TXNDC12: variants seen among roughly 807,000 people sequenced by gnomAD.
The protein encoded by TXNDC12 is thioredoxin domain-containing protein 12.
In TXNDC12, 22 loss-of-function variants were observed where a neutral mutation model predicts 24.2. That is an observed-to-expected ratio of 0.91 (90% CI 0.65 to 1.30). The LOEUF (loss-of-function observed/expected upper bound fraction) is 1.30, where lower values mean the gene tolerates loss of function less well. Ranked by LOEUF, TXNDC12 falls within the 50% of genes most tolerant of loss-of-function variation. TXNDC12 has a pLI of 0.00. For synonymous variants in TXNDC12, 58 were observed against 73.4 expected, an observed-to-expected ratio of 0.79 and a Z score of 1.07; for missense variants, 184 against 205.8, an observed-to-expected ratio of 0.89 and a Z score of 0.65.
At chr1:52,029,031 AAT>A (rs1557991418) in intron 2 of TXNDC12, among the ~76,000 whole-genome samples, 1 of 152,082 alleles carries the variant, frequency 6.6e-6, no homozygotes, top group African/African-American at 2.4e-5. Flanking sequence ...GGGTGGCTGA[AAT>A]ATGAGAATTG....
chr1:52,033,752 C>A, intron 2 of TXNDC12: 1 of 1,597,610 alleles, frequency 6.3e-7, no homozygotes, highest in Non-Finnish European at 8.5e-7. Context: ...CAAAACACCA[C>A]GAGCGGCATC....
At position 52,028,614 on chromosome 1, in the gene TXNDC12, C is replaced by A. The variant is rs766809332; in HGVS notation, c.175G>T (p.Val59Leu). 7 of 1,612,250 alleles carry A rather than the reference C, an allele frequency of 4.3e-6. No individual in the cohort carries two copies. The South Asian group carries it at 7.7e-5, about 18-fold the overall frequency. Residue 59 changes from valine to leucine, a missense_variant, in exon 3 of 7, where the codon GTG becomes TTG. Val to Leu is a conservative substitution (Grantham distance 32). Coordinates refer to ENST00000371626, the MANE Select transcript of TXNDC12 (RefSeq NM_015913.4). Reference sequence around the variant, plus strand: ...CCACACCAGGATTTATGAATAATCACCATCAGGGGCAGTCCACTTAAAAGC... The same window carrying A: ...CCACACCAGGATTTATGAATAATCAACATCAGGGGCAGTCCACTTAAAAGC... ...EAAASGLPLM[V>L]IIHKSWCGAC...
chr1:52,034,063 T>G, intron 2 of TXNDC12: 1 of 1,317,852 alleles, frequency 7.6e-7, no homozygotes, highest in Middle Eastern at 2.9e-4. Flanking sequence ...TAAGGGGCAT[T>G]AAATATTGTA....
intron 4 of TXNDC12, among the ~76,000 whole-genome samples, chr1:52,025,821 A>C (rs1247329626): frequency 6.6e-6 from 1 of 150,766 alleles, no homozygotes; most frequent in Non-Finnish European, 1.5e-5. Context: ...AGTAAACATT[A>C]TCTTTTTTTT....
chr1:52,041,869 C>T (rs749312181), intron 1 of TXNDC12, among the ~76,000 whole-genome samples: 2 of 152,158 alleles, frequency 1.3e-5, no homozygotes, highest in African/African-American at 2.4e-5. Flanking sequence ...TAAACTATCA[C>T]GGAATATGCT....
chr1:52,029,791 T>C (rs1685724502), intron 2 of TXNDC12, among the ~76,000 whole-genome samples: 1 of 152,210 alleles, frequency 6.6e-6, no homozygotes, highest in African/African-American at 2.4e-5. Flanking sequence ...AAATGAATCA[T>C]TCAGTCACCT....
chr1:52,023,468 C>G (rs766559345), intron 6 of TXNDC12, 23 bp downstream of exon 6: 14 of 1,590,124 alleles, frequency 8.8e-6, no homozygotes, highest in Non-Finnish European at 1.1e-5. Context: ...CAATAATCCT[C>G]CCTCCCTTCA....
intron 1 of TXNDC12, 57 bp downstream of exon 1, chr1:52,054,943 T>C: frequency 7.5e-7 from 1 of 1,340,742 alleles, no homozygotes. Context: ...AAGAAGAGAT[T>C]ATACTGGGAT....
At chr1:52,032,450 C>T (rs1388359849) in intron 2 of TXNDC12, 1 of 1,274,510 alleles carries the variant, frequency 7.8e-7, no homozygotes, top group Non-Finnish European at 9.9e-7. Flanking sequence ...CCCTGTCCAC[C>T]TTAGCTCTGT....
chr1:52,046,567 T>C (rs541521769), intron 1 of TXNDC12, among the ~76,000 whole-genome samples: 2 of 152,186 alleles, frequency 1.3e-5, no homozygotes, highest in East Asian at 3.9e-4. Flanking sequence ...TTAGATCGAA[T>C]ACATACAACT....
intron 6 of TXNDC12, among the ~76,000 whole-genome samples, chr1:52,022,601 C>T (rs1685613356): frequency 6.6e-6 from 1 of 150,776 alleles, no homozygotes; most frequent in African/African-American, 2.4e-5. Flanking sequence ...AATTTTTATC[C>T]TTCTAGGTCC....
At chr1:52,021,415 T>C (rs975275989) in intron 6 of TXNDC12, among the ~76,000 whole-genome samples, 5 of 150,920 alleles carry the variant, frequency 3.3e-5, no homozygotes, top group African/African-American at 4.8e-5. Context: ...ATTGTATCTT[T>C]TGGATGAATG....
chr1:52,028,781 C>T, intron 2 of TXNDC12, 151 bp from the exon 3 acceptor site: 2 of 709,922 alleles, frequency 2.8e-6, no homozygotes, highest in Non-Finnish European at 4.8e-6. Flanking sequence ...ATTGCTGTAA[C>T]AAAATTATTG....
upstream of TXNDC12, chr1:52,055,414 G>T: frequency 3.4e-6 from 1 of 294,896 alleles, no homozygotes; most frequent in South Asian, 3.6e-5. Flanking sequence ...TAGTAGGGGC[G>T]GGGGAGAGGT....
chr1:52,042,464 C>CTTT lies in TXNDC12; in HGVS notation c.98-870_98-868dup, dbSNP rs3075033. ...ATATACACCCTATACTATACTTTCA[C>CTTT]TTTTTTTTTTTTTTTTGAGATAGAG... is the stretch of plus-strand genomic sequence containing the variant. On this transcript the variant is annotated intron_variant, in intron 1 of 6. Coordinates refer to ENST00000371626, the MANE Select transcript of TXNDC12 (RefSeq NM_015913.4). Among the ~76,000 whole-genome samples, 4 of 140,644 alleles carry CTTT rather than the reference C, an allele frequency of 2.8e-5. 1 individual carries two copies. The highest frequency in any genetic ancestry group is 7.9e-5 in the African/African-American group (3 of 38,052). 92.3% of individuals were successfully genotyped at this position (140,644 alleles called of 152,430 possible). A position where few individuals can be genotyped will look rare whatever the true frequency, so the allele number is the denominator to read the frequency against.
chr1:52,046,865 AAATATATATAT>A (rs1557998337), intron 1 of TXNDC12, among the ~76,000 whole-genome samples: 1 of 30,158 alleles, frequency 3.3e-5, no homozygotes, highest in Admixed American at 4.2e-4. Flanking sequence ...AAAAAAAAAA[AAATATATATAT>A]ATATATATAT....
At chr1:52,055,460 G>A (rs1686324369), upstream of TXNDC12, 1 of 254,210 alleles carries the variant, frequency 3.9e-6, no homozygotes, top group Non-Finnish European at 7.8e-6. Flanking sequence ...CCGCCACCCA[G>A]TCCAGCCCCT....
intron 2 of TXNDC12, among the ~76,000 whole-genome samples, chr1:52,034,539 T>A (rs544600334): frequency 6.6e-6 from 1 of 152,320 alleles, no homozygotes; most frequent in East Asian, 1.9e-4. Flanking sequence ...AAATATTGCA[T>A]AGACATATTT....
chr1:52,020,971 C>A lies in TXNDC12; in HGVS notation c.481G>T (p.Asp161Tyr). The A allele has an allele frequency of 1.2e-6, 2 of 1,614,152 alleles. No homozygotes were observed. Among genetic ancestry groups the A allele is most frequent in the Non-Finnish European group, 1.7e-6 (2 of 1,179,984 alleles). Residue 161 changes from aspartate (D) to tyrosine (Y), a missense_variant, in exon 7 of 7, where the codon GAT (aspartate) becomes TAT (tyrosine). Physicochemically the swap from Asp to Tyr is radical, Grantham distance 160 (BLOSUM62 -3). Coordinates refer to ENST00000371626, the MANE Select transcript of TXNDC12 (RefSeq NM_015913.4). ...TCAAGATGTTTCTTTCTGAAGGCAT[C>A]ACCCGTCAGCCTTTCCTGAGCTTCC... The part of the protein sequence containing the change: ...MKEAQERLTG[D>Y]AFRKKHLEDE...
Sources: gnomAD v4.1 joint callset for allele counts (sites outside exome capture counted in the v4.1 genomes callset) on GRCh38, gnomAD v4.1.1 for gene constraint, MANE v1.5 for transcripts, NCBI Gene and HGNC (gene_info 2026-07-23, HGNC 2026-07-21) for gene names.